Variants in CMIP observed in about 807,000 individuals in gnomAD.
CMIP encodes the protein c-Maf inducing protein, also known as C-Maf-inducing protein.
A neutral mutation model predicts 97.3 loss-of-function variants in CMIP; 13 were observed. The ratio of observed to expected loss-of-function variants is 0.13; its 90% CI spans 0.09 to 0.21. The LOEUF (loss-of-function observed/expected upper bound fraction) is 0.21, where lower values mean the gene tolerates loss of function less well. CMIP is among the 10% of genes least tolerant of loss of function. The probability of loss-of-function intolerance (pLI) is 1.00; values close to 1 mark genes in which losing one functional copy is unlikely to be tolerated. For synonymous variants in CMIP, 538 were observed against 436.3 expected (o/e 1.23, Z -2.91); for missense variants, 847 against 1,024.9 (o/e 0.83, Z 2.37).
intron 3 of CMIP, chr16:81,651,505 A>C (rs2092428580): frequency 2.8e-6 from 1 of 356,156 alleles, no homozygotes; most frequent in Non-Finnish European, 3.9e-6. Context: ...TTCCAGGTTT[A>C]GTCCCTACCT....
At chr16:81,619,537 A>G (rs1417308982) in intron 2 of CMIP, 1 of 152,288 alleles carries the variant, frequency 6.6e-6, no homozygotes. Flanking sequence ...GAGAGACTCT[A>G]GCCTTCGTCA....
chr16:81,561,611 A>T (rs1008413512), intron 1 of CMIP, among the ~76,000 whole-genome samples: 2 of 152,154 alleles, frequency 1.3e-5, no homozygotes, highest in Non-Finnish European at 1.5e-5. Context: ...CTCGCAGACA[A>T]TTGCCCCGGC....
intron 1 of CMIP, among the ~76,000 whole-genome samples, chr16:81,490,677 A>T (rs2089391341): frequency 6.6e-6 from 1 of 152,080 alleles, no homozygotes; most frequent in Admixed American, 6.5e-5. Context: ...AGAAGACAAG[A>T]CCCACACAGG....
intron 2 of CMIP, among the ~76,000 whole-genome samples, chr16:81,615,474 TGTGTGTGTG>T (rs1169070013): frequency 1.4e-4 from 20 of 147,842 alleles, no homozygotes; most frequent in African/African-American, 5.1e-4. Flanking sequence ...TATGTGTATT[TGTGTGTGTG>T]GTGTGTGTGT....
intron 2 of CMIP, among the ~76,000 whole-genome samples, chr16:81,611,119 TTAA>T (rs1435861840): frequency 6.6e-6 from 1 of 152,200 alleles, no homozygotes; most frequent in Non-Finnish European, 1.5e-5. Context: ...ACTCATCAAA[TTAA>T]TAACACAGTT....
chr16:81,692,365 C>T (rs1906187074), intron 11 of CMIP, among the ~76,000 whole-genome samples: 1 of 152,182 alleles, frequency 6.6e-6, no homozygotes, highest in Admixed American at 6.5e-5. Flanking sequence ...CTCTTGCCGG[C>T]CCCTAGCACC....
At chr16:81,573,694 G>C (rs1186742880) in intron 1 of CMIP, among the ~76,000 whole-genome samples, 1 of 152,226 alleles carries the variant, frequency 6.6e-6, no homozygotes, top group African/African-American at 2.4e-5. Context: ...GGGTGTTGCT[G>C]AGAGAAGGGT....
intron 10 of CMIP, among the ~76,000 whole-genome samples, chr16:81,679,197 T>C (rs1461180181): frequency 6.6e-6 from 1 of 151,916 alleles, no homozygotes; most frequent in Non-Finnish European, 1.5e-5. Flanking sequence ...GTCTGCCGAG[T>C]GTGTGTGTTT....
At chr16:81,472,855 G>A (rs771478072) in intron 1 of CMIP, among the ~76,000 whole-genome samples, 8 of 152,152 alleles carry the variant, frequency 5.3e-5, no homozygotes, top group Non-Finnish European at 1.0e-4. Context: ...TGGCATCTGT[G>A]GTGATCTGCA....
At chr16:81,474,791 G>A (rs1471572816) in intron 1 of CMIP, among the ~76,000 whole-genome samples, 1 of 152,226 alleles carries the variant, frequency 6.6e-6, no homozygotes, top group Non-Finnish European at 1.5e-5. Flanking sequence ...TTGGTGCCAG[G>A]GGAGCCAGCC....
chr16:81,531,927 G>A (rs972430767), intron 1 of CMIP, among the ~76,000 whole-genome samples: 5 of 152,186 alleles, frequency 3.3e-5, no homozygotes, highest in Non-Finnish European at 2.9e-5. Context: ...GCTTACATGG[G>A]TTTGGTTTGT....
intron 1 of CMIP, among the ~76,000 whole-genome samples, chr16:81,568,040 T>TGTGTGTGTG (rs34693777): frequency 2.3e-3 from 60 of 26,462 alleles, no homozygotes; most frequent in African/African-American, 6.4e-3. Flanking sequence ...TGTGTGTGTG[T>TGTGTGTGTG]TTTTTTTTTT....
intron 1 of CMIP, among the ~76,000 whole-genome samples, chr16:81,508,944 T>G (rs1462758642): frequency 6.6e-6 from 1 of 152,232 alleles, no homozygotes; most frequent in Non-Finnish European, 1.5e-5. Context: ...TTGCCTGCCA[T>G]TCCTTTGCTC....
At chr16:81,556,911 G>C (rs982642796) in intron 1 of CMIP, among the ~76,000 whole-genome samples, 3 of 152,232 alleles carry the variant, frequency 2.0e-5, no homozygotes, top group Admixed American at 6.5e-5. Context: ...AACTGTCCCA[G>C]ACCAGGGAGG....
intron 20 of CMIP, among the ~76,000 whole-genome samples, chr16:81,709,307 G>A (rs192333123): frequency 2.4e-3 from 369 of 152,174 alleles, no homozygotes; most frequent in Middle Eastern, 6.8e-3. Flanking sequence ...GGGCATATAC[G>A]GTGCCCTGGG....
chr16:81,649,278 G>A lies in CMIP; in HGVS notation c.478-2925G>A, dbSNP rs1166579947. On this transcript the variant is annotated intron_variant, in intron 3 of 20. Coordinates refer to ENST00000537098, the MANE Select transcript of CMIP (RefSeq NM_198390.3). ...GGATGCCTGTGAGGCAAGGGCTTGG[G>A]CCCTCCCGGGAAAGCTGTTGTCCTC... Among the ~76,000 whole-genome samples, 4 of 152,260 alleles carry A rather than the reference G, an allele frequency of 2.6e-5. No homozygotes were observed. The East Asian group carries it at 7.7e-4, about 29-fold the overall frequency.
At chr16:81,661,741 C>G (rs1213680785) in intron 6 of CMIP, among the ~76,000 whole-genome samples, 1 of 152,168 alleles carries the variant, frequency 6.6e-6, no homozygotes, top group Admixed American at 6.5e-5. Flanking sequence ...CCTTGCCGCC[C>G]CTTCCCGGCC....
At chr16:81,635,943 A>T (rs1299254204) in intron 3 of CMIP, among the ~76,000 whole-genome samples, 3 of 142,494 alleles carry the variant, frequency 2.1e-5, no homozygotes, top group Admixed American at 6.9e-5. Context: ...CGGGGTTTAC[A>T]TGGTGAGCAT....
At chr16:81,491,462 G>T (rs771703308) in intron 1 of CMIP, among the ~76,000 whole-genome samples, 6 of 152,140 alleles carry the variant, frequency 3.9e-5, no homozygotes, top group Non-Finnish European at 7.4e-5. Flanking sequence ...GCCCTCTGTG[G>T]GCTCCAAAGC....
Sources: allele counts gnomAD v4.1 joint callset (sites outside exome capture counted in the v4.1 genomes callset), GRCh38; gene constraint gnomAD v4.1.1; transcripts MANE v1.5; gene names NCBI Gene and HGNC (gene_info 2026-07-23, HGNC 2026-07-21).